Variants in TIMM23 observed in about 807,000 individuals in gnomAD.
TIMM23 encodes the protein mitochondrial import inner membrane translocase subunit Tim23.
In TIMM23, 19 loss-of-function variants were observed where a neutral mutation model predicts 30.7. The observed-to-expected ratio is 0.62, with a 90% confidence interval of 0.43 to 0.91. The LOEUF is 0.91. Among genes scored for constraint, TIMM23 ranks in the 40% least tolerant of loss-of-function variants. TIMM23 has a pLI of 0.00. For missense variants in TIMM23, 202 were observed against 269.2 expected (o/e 0.75, Z 1.75); for synonymous variants, 78 against 98.5 (o/e 0.79, Z 1.23).
chr10:46,003,200 C>T lies in TIMM23; in HGVS notation c.515-3C>T. Reference sequence around the variant, plus strand: ...TCATTTTCCTTTTGTCTCTGTTTCCCAGGTGGTCTTCGAGGGATAGCACGA... The same window carrying T: ...TCATTTTCCTTTTGTCTCTGTTTCCTAGGTGGTCTTCGAGGGATAGCACGA... On this transcript the variant is annotated splice_polypyrimidine_tract_variant and splice_region_variant and intron_variant, in intron 6 of 6. Coordinates refer to ENST00000580018, the MANE Select transcript of TIMM23 (RefSeq NM_006327.4). The T allele has an allele frequency of 1.2e-6, 2 of 1,611,028 alleles. No homozygotes were observed. Among genetic ancestry groups the T allele is most frequent in the Non-Finnish European group, 1.7e-6 (2 of 1,177,352 alleles).
intron 6 of TIMM23, among the ~76,000 whole-genome samples, chr10:45,994,950 C>T (rs1187014910): frequency 4.6e-5 from 7 of 152,022 alleles, no homozygotes; most frequent in South Asian, 2.1e-4. Context: ...CCCTGTCTTC[C>T]TGGGTCTGTT....
chr10:45,984,744 T>G, intron 4 of TIMM23: 1 of 376,430 alleles, frequency 2.7e-6, no homozygotes. Flanking sequence ...AAGGCAGAAC[T>G]GTGCTTCCTT....
At chr10:45,993,805 G>A (rs1461554686) in intron 6 of TIMM23, among the ~76,000 whole-genome samples, 1 of 152,070 alleles carries the variant, frequency 6.6e-6, no homozygotes, top group African/African-American at 2.4e-5. Context: ...GGGCAATAGA[G>A]CAAGTCTCCA....
Position 45,986,866 on chromosome 10 carries a change from C to A in TIMM23, c.403+1425C>A, listed in dbSNP as rs587633255. Among the ~76,000 whole-genome samples the A allele has an allele frequency of 4.8e-3, 725 of 151,834 alleles. 6 individuals carry two copies. The highest frequency in any genetic ancestry group is 0.017 in the African/African-American group (694 of 41,354). On this transcript the variant is annotated intron_variant, in intron 5 of 6. Transcript: ENST00000580018. ...TCTGAAGTATAGCAATTATGGGTAG[C>A]ATATAAATGAAAATTTTAAATATTC...
chr10:45,974,862 G>T (rs797028063), intron 1 of TIMM23, among the ~76,000 whole-genome samples: 1 of 151,490 alleles, frequency 6.6e-6, no homozygotes, highest in South Asian at 2.1e-4. Flanking sequence ...AGGTTTTACT[G>T]TTTTCAATGT....
At chr10:45,990,059 G>A (rs1369653259) in intron 6 of TIMM23, among the ~76,000 whole-genome samples, 2 of 151,022 alleles carry the variant, frequency 1.3e-5, no homozygotes, top group African/African-American at 2.4e-5. Context: ...TTTTAGTGAT[G>A]TGCAACAGTG....
At chr10:45,998,897 A>G (rs1394284009) in intron 6 of TIMM23, among the ~76,000 whole-genome samples, 5 of 148,792 alleles carry the variant, frequency 3.4e-5, no homozygotes, top group African/African-American at 7.5e-5. Context: ...CAGTGATGCA[A>G]TCTTTGCTCA....
chr10:46,001,261 A>G (rs1838524840), intron 6 of TIMM23, among the ~76,000 whole-genome samples: 2 of 152,254 alleles, frequency 1.3e-5, no homozygotes, highest in South Asian at 4.1e-4. Flanking sequence ...GAATATGGCA[A>G]GTTCACAAAG....
intron 1 of TIMM23, among the ~76,000 whole-genome samples, chr10:45,974,022 C>G (rs1837585839): frequency 6.6e-6 from 1 of 151,998 alleles, no homozygotes; most frequent in East Asian, 1.9e-4. Context: ...TATACACTTC[C>G]TTAATGTGAC....
At chr10:45,977,054 T>C (rs1270281357) in intron 2 of TIMM23, among the ~76,000 whole-genome samples, 5 of 150,994 alleles carry the variant, frequency 3.3e-5, no homozygotes, top group African/African-American at 1.2e-4. Context: ...TAGAAATAAA[T>C]GGACCAGGTG....
chr10:45,982,541 T>C lies in TIMM23; in HGVS notation c.184T>C (p.Leu62=). The change falls in exon 3 of 7, where the codon TTA becomes CTA. Residue 62 remains leucine, a synonymous_variant. Transcript: ENST00000580018. ...YLVQDTDEFI[L]PTGANKTRGR... The stretch of plus-strand genomic sequence containing the variant: ...CTTTTAGGATACAGATGAGTTTATT[T>C]TACCTACCGGAGCTAATAAAACCCG... 3 of 1,613,950 alleles carry C rather than the reference T, an allele frequency of 1.9e-6. No individual in the cohort carries two copies. The highest frequency in any genetic ancestry group is 2.5e-6 in the Non-Finnish European group (3 of 1,179,860).
intron 1 of TIMM23, among the ~76,000 whole-genome samples, chr10:45,974,240 T>C (rs2132237812): frequency 6.6e-6 from 1 of 151,800 alleles, no homozygotes; most frequent in South Asian, 2.1e-4. Flanking sequence ...CCAACAAACA[T>C]AAATTAAAAC....
At chr10:45,975,941 A>G (rs1344722654) in intron 2 of TIMM23, among the ~76,000 whole-genome samples, 4 of 152,240 alleles carry the variant, frequency 2.6e-5, no homozygotes, top group Non-Finnish European at 4.4e-5. Flanking sequence ...AGCTGGGACT[A>G]CAGGCGCCCA....
intron 2 of TIMM23, among the ~76,000 whole-genome samples, chr10:45,979,158 G>A (rs1837764204): frequency 6.6e-6 from 1 of 152,158 alleles, no homozygotes; most frequent in South Asian, 2.1e-4. Flanking sequence ...ATGGGTATGT[G>A]ATTTTTTTGG....
chr10:45,988,968 T>A, intron 6 of TIMM23, 121 bp downstream of exon 6: 1 of 815,516 alleles, frequency 1.2e-6, no homozygotes, highest in Non-Finnish European at 2.0e-6. Flanking sequence ...ACTTTATGGT[T>A]ATTTTGGTTT....
At chr10:45,981,743 CTTA>C (rs1837852277) in intron 2 of TIMM23, among the ~76,000 whole-genome samples, 1 of 152,138 alleles carries the variant, frequency 6.6e-6, no homozygotes. Flanking sequence ...CCATTAGAGG[CTTA>C]TTTTAACCAT....
Position 45,972,508 on chromosome 10 carries a change from A to T in TIMM23, c.-117A>T, listed in dbSNP as rs1837517862. ...AACGGGAACCGGCGCCCGGAAGGTC[A>T]GCGTGTGAAGTAGGCGCTGGCAACG... On this transcript the variant is annotated 5_prime_UTR_variant, in exon 1 of 7. Coordinates refer to ENST00000580018, the MANE Select transcript of TIMM23 (RefSeq NM_006327.4). 1.4e-6 allele frequency: 2 copies of T among 1,441,546 alleles called. No individual in the cohort carries two copies. The highest frequency in any genetic ancestry group is 1.9e-6 in the Non-Finnish European group (2 of 1,079,108). 89.3% of individuals were successfully genotyped at this position (1,441,546 alleles called of 1,614,324 possible).
chr10:45,974,708 A>C (rs1426981730), intron 1 of TIMM23, among the ~76,000 whole-genome samples: 1 of 152,246 alleles, frequency 6.6e-6, no homozygotes. Flanking sequence ...CTAGGATGGT[A>C]GCAATAGAGA....
At chr10:45,983,868 C>T (rs1837922031) in intron 4 of TIMM23, among the ~76,000 whole-genome samples, 2 of 152,118 alleles carry the variant, frequency 1.3e-5, no homozygotes, top group Non-Finnish European at 2.9e-5. Context: ...CTCAGCCTCC[C>T]GAGTAGCTGG....
Sources: allele counts gnomAD v4.1 joint callset (sites outside exome capture counted in the v4.1 genomes callset), GRCh38; gene constraint gnomAD v4.1.1; transcripts MANE v1.5; gene names NCBI Gene and HGNC (gene_info 2026-07-23, HGNC 2026-07-21).